PSMG4: variants seen among roughly 807,000 people sequenced by gnomAD.
PSMG4 encodes the protein proteasome assembly chaperone 4.
In PSMG4, 10 loss-of-function variants were observed where a neutral mutation model predicts 11.0. That is an observed-to-expected ratio of 0.91 (90% confidence interval 0.56 to 1.54). The LOEUF (loss-of-function observed/expected upper bound fraction) is 1.54, where lower values mean the gene tolerates loss of function less well. Among genes scored for constraint, PSMG4 ranks in the 40% most tolerant of loss-of-function variants. The pLI, the probability that PSMG4 is intolerant of heterozygous loss-of-function variation, is 0.00. For missense variants in PSMG4, 198 were observed against 160.9 expected (o/e 1.23, Z -1.25); for synonymous variants, 95 against 71.3 (o/e 1.33, Z -1.68).
At chr6:3,259,516 C>T (rs1016564517) in intron 1 of PSMG4, among the ~76,000 whole-genome samples, 2 of 152,234 alleles carry the variant, frequency 1.3e-5, no homozygotes, top group Admixed American at 6.5e-5. Flanking sequence ...AGCTCTCCTG[C>T]CATCTGGATT....
upstream of PSMG4, chr6:3,254,931 C>G (rs988842198): frequency 4.3e-6 from 5 of 1,156,610 alleles, no homozygotes; most frequent in South Asian, 3.2e-5. Flanking sequence ...CAGCCATTCT[C>G]TCACTGGGTG....
chr6:3,263,623 G>C, intron 1 of PSMG4, 61 bp from the exon 2 acceptor site: 1 of 1,388,420 alleles, frequency 7.2e-7, no homozygotes, highest in Non-Finnish European at 9.7e-7. Context: ...CCGGAAGCCA[G>C]AAGTGTGGCT....
At chr6:3,262,765 G>A (rs965674431) in intron 1 of PSMG4, among the ~76,000 whole-genome samples, 17 of 147,198 alleles carry the variant, frequency 1.2e-4, no homozygotes, top group African/African-American at 4.0e-4. Flanking sequence ...TTTGATAAAA[G>A]CAATTTTGGC....
At chr6:3,267,012 T>TGC (rs1561845088) in intron 2 of PSMG4, 1 of 150,096 alleles carries the variant, frequency 6.7e-6, no homozygotes, top group Non-Finnish European at 1.5e-5. Flanking sequence ...CCCGCCACCA[T>TGC]GCCCGGCTAA....
upstream of PSMG4, chr6:3,255,254 CTG>C (rs773526233): frequency 6.5e-6 from 10 of 1,548,054 alleles, no homozygotes; most frequent in Non-Finnish European, 8.7e-6. Context: ...CTGTTGGGTT[CTG>C]TGTTACCACG....
At chr6:3,255,305 T>A (rs1000115373), upstream of PSMG4, 15 of 1,517,486 alleles carry the variant, frequency 9.9e-6, no homozygotes, top group Admixed American at 2.1e-5. Context: ...CCTGGGAGAG[T>A]GGTGGATGAG....
rs1261021278 is a variant in PSMG4 at position 3,260,275 on chromosome 6, T to TTTTA, written c.174+1080_174+1081insTTAT. On this transcript the variant is annotated intron_variant, in intron 1 of 2. Coordinates refer to ENST00000438998, the MANE Select transcript of PSMG4 (RefSeq NM_001128591.2). ...TACTCCAGTATAACCTTGTCTTAAATTGTATATATATATATATTTTTTTTT... is the reference window on the plus strand; with the variant it reads ...TACTCCAGTATAACCTTGTCTTAAATTTTATGTATATATATATATATTTTTTTTT... Among the ~76,000 whole-genome samples the TTTTA allele has an allele frequency of 3.8e-4, 26 of 69,078 alleles. 2 individuals carry two copies. The highest frequency in any genetic ancestry group is 1.6e-3 in the African/African-American group (26 of 16,168). 45.3% of individuals were successfully genotyped at this position (69,078 alleles called of 152,430 possible). A position where few individuals can be genotyped will look rare whatever the true frequency, so the allele number is the denominator to read the frequency against.
upstream of PSMG4, among the ~76,000 whole-genome samples, chr6:3,257,010 C>T (rs146747230): frequency 2.0e-3 from 303 of 152,276 alleles, 2 homozygotes; most frequent in Middle Eastern, 6.8e-3. Flanking sequence ...ATGGATTGAC[C>T]TTCTGTACAA....
chr6:3,264,130 G>A, intron 2 of PSMG4: 5 of 1,535,076 alleles, frequency 3.3e-6, no homozygotes, highest in African/African-American at 1.4e-5. Context: ...CGGGCCTTAG[G>A]AGGAGTCAGT....
At chr6:3,255,915 C>T (rs1757746873), upstream of PSMG4, among the ~76,000 whole-genome samples, 1 of 152,182 alleles carries the variant, frequency 6.6e-6, no homozygotes. Context: ...ACATTTGCTG[C>T]ATCCTTGGTC....
At chr6:3,257,422 G>A (rs972060723), upstream of PSMG4, among the ~76,000 whole-genome samples, 3 of 152,194 alleles carry the variant, frequency 2.0e-5, no homozygotes, top group African/African-American at 7.2e-5. Context: ...AATTTGCCAT[G>A]CCAGCCAGGC....
intron 1 of PSMG4, among the ~76,000 whole-genome samples, chr6:3,261,222 C>T (rs1267614200): frequency 2.2e-5 from 1 of 45,196 alleles, no homozygotes; most frequent in Non-Finnish European, 6.2e-5. Context: ...TCTTGCTTTT[C>T]TTTTCCTTTT....
At chr6:3,259,225 C>A (rs1402156986) in intron 1 of PSMG4, 29 bp downstream of exon 1, 2 of 1,182,694 alleles carry the variant, frequency 1.7e-6, no homozygotes, top group South Asian at 6.8e-5. Context: ...AGGGTGCGGG[C>A]GGCGGGGCGG....
intron 1 of PSMG4, among the ~76,000 whole-genome samples, chr6:3,259,773 C>T (rs1397388596): frequency 6.6e-6 from 1 of 152,112 alleles, no homozygotes; most frequent in East Asian, 1.9e-4. Context: ...AGACAAAACC[C>T]AAGCCGCCCT....
upstream of PSMG4, among the ~76,000 whole-genome samples, chr6:3,255,666 A>C (rs1314374209): frequency 2.6e-5 from 4 of 152,196 alleles, no homozygotes; most frequent in Admixed American, 2.6e-4. Flanking sequence ...CGAGAGCCTT[A>C]AGTGATTTGT....
chr6:3,267,967 T>A lies in PSMG4; in HGVS notation c.*255T>A. On this transcript the variant is annotated 3_prime_UTR_variant, in exon 3 of 3. Transcript: ENST00000438998. ...GGATGAAATGGGATTTTTGTTGGGA[T>A]TGAAGACTGTAATCTAAGAGTTTCA... 1 of 341,396 alleles carries A rather than the reference T, an allele frequency of 2.9e-6. No individual in the cohort carries two copies. Among genetic ancestry groups the A allele is most frequent in the Non-Finnish European group, 5.5e-6 (1 of 182,092 alleles). The allele number at this position is 341,396 out of a possible 1,614,324, so 21.1% of individuals were successfully genotyped here.
At chr6:3,260,291 A>ATATATATATTTTTTTTT in intron 1 of PSMG4, among the ~76,000 whole-genome samples, 2 of 70,840 alleles carry the variant, frequency 2.8e-5, no homozygotes, top group African/African-American at 1.1e-4. Flanking sequence ...ATATATATAT[A>ATATATATATTTTTTTTT]TTTTTTTTTT....
Position 3,259,055 on chromosome 6 carries a change from C to T in PSMG4, c.33C>T (p.Asp11=), listed in dbSNP as rs577429065. Residue 11 remains aspartate (D), a synonymous_variant, in exon 1 of 3, where the codon GAC becomes GAT. Transcript: ENST00000438998. ...GGCTGGTTGTCGCCGCCGGCGGGGA[C>T]GTCTCCCTGCACAACTTCAGCGCGA... MEGLVVAAGG[D]VSLHNFSARL... The T allele has an allele frequency of 4.0e-6, 5 of 1,257,444 alleles. No homozygotes were observed. Among genetic ancestry groups the T allele is most frequent in the Non-Finnish European group, 5.0e-6 (5 of 999,388 alleles). The allele number at this position is 1,257,444 out of a possible 1,614,324, so 77.9% of individuals were successfully genotyped here.
At chr6:3,255,191 G>A (rs759471654), upstream of PSMG4, 11 of 1,550,524 alleles carry the variant, frequency 7.1e-6, 1 homozygote, top group South Asian at 8.3e-5. Flanking sequence ...TCTGGTGGAA[G>A]TAGGATGTTT....
Sources: allele counts gnomAD v4.1 joint callset (sites outside exome capture counted in the v4.1 genomes callset), GRCh38; gene constraint gnomAD v4.1.1; transcripts MANE v1.5; gene names NCBI Gene and HGNC (gene_info 2026-07-23, HGNC 2026-07-21).